SUSD3: variants seen among roughly 807,000 people sequenced by gnomAD.
SUSD3 encodes sushi domain-containing protein 3.
Under a neutral mutation model 20.6 loss-of-function variants are expected in SUSD3, and 18 were observed. The observed-to-expected ratio is 0.87, with a 90% CI of 0.60 to 1.30. The LOEUF is 1.30. Ranked by LOEUF, SUSD3 falls within the 50% of genes most tolerant of loss-of-function variation. SUSD3 has a pLI of 0.00. For synonymous variants in SUSD3, 137 were observed against 141.5 expected (o/e 0.97, Z 0.23); for missense variants, 306 against 346.9 (o/e 0.88, Z 0.94).
intron 1 of SUSD3, among the ~76,000 whole-genome samples, chr9:93,065,188 C>T (rs1825659798): frequency 6.6e-6 from 1 of 152,172 alleles, no homozygotes; most frequent in East Asian, 1.9e-4. Context: ...TTCTTTTGAA[C>T]GTGCAGCAGA....
At chr9:93,072,881 A>C (rs557613169) in intron 1 of SUSD3, among the ~76,000 whole-genome samples, 1 of 152,312 alleles carries the variant, frequency 6.6e-6, no homozygotes, top group Admixed American at 6.5e-5. Flanking sequence ...AATTAAAGTT[A>C]TAAGAGGAGA....
intron 1 of SUSD3, among the ~76,000 whole-genome samples, chr9:93,064,873 A>G (rs1347650827): frequency 6.6e-6 from 1 of 152,194 alleles, no homozygotes; most frequent in African/African-American, 2.4e-5. Flanking sequence ...GCCTACCCTC[A>G]AACCCAGGTC....
At chr9:93,064,345 C>T (rs570084407) in intron 1 of SUSD3, among the ~76,000 whole-genome samples, 2 of 152,342 alleles carry the variant, frequency 1.3e-5, no homozygotes, top group South Asian at 2.1e-4. Flanking sequence ...CGCACCCAGC[C>T]GACTTCACCC....
chr9:93,072,917 A>T lies in SUSD3; in HGVS notation c.89-2867A>T, dbSNP rs183979464. 5.7e-3 allele frequency among the ~76,000 whole-genome samples: 866 copies of T among 152,228 alleles called. 7 individuals are homozygous for T. The highest frequency in any genetic ancestry group is 8.5e-3 in the Non-Finnish European group (579 of 68,010). ...AGCTACATGGTGAGCAGGTTTGGGGAGCTCAGAAGCTTGGCTATGTCTCAT... is the reference window on the plus strand; with the variant it reads ...AGCTACATGGTGAGCAGGTTTGGGGTGCTCAGAAGCTTGGCTATGTCTCAT... On this transcript the variant is annotated intron_variant, in intron 1 of 4. Coordinates refer to ENST00000375472, the MANE Select transcript of SUSD3 (RefSeq NM_145006.4).
In SUSD3 at chr9:93,077,872, T is replaced by A. The variant is rs1826231322; in HGVS notation, c.304T>A (p.Phe102Ile). 6.2e-7 allele frequency: 1 copy of A among 1,614,072 alleles called. No individual in the cohort carries two copies. The highest frequency in any genetic ancestry group is 1.3e-5 in the African/African-American group (1 of 74,928). Residue 102 changes from phenylalanine to isoleucine, a missense_variant, in exon 3 of 5, where the codon TTC (phenylalanine) becomes ATC (isoleucine). Coordinates refer to ENST00000375472, the MANE Select transcript of SUSD3 (RefSeq NM_145006.4). ...GGTGCCACCACACGAGACCTTTGGC[T>A]TCAAGGTGGCCGTGATCGCCTCCAT... ...KLVPPHETFGFKVAVIASIVS... is the reference protein window; with the variant it reads ...KLVPPHETFGIKVAVIASIVS...
chr9:93,080,340 AC>A (rs61114081), intron 4 of SUSD3, among the ~76,000 whole-genome samples: 15,541 of 128,116 alleles, frequency 0.12, 1,511 homozygotes, highest in African/African-American at 0.26. Context: ...AAAAAAAAAA[AC>A]AAAACTAACA....
chr9:93,069,226 T>A (rs1825826002), intron 1 of SUSD3: 1 of 687,192 alleles, frequency 1.5e-6, no homozygotes, highest in Admixed American at 2.0e-5. Context: ...CTGGGATTGC[T>A]GTCAGTCACT....
intron 4 of SUSD3, 68 bp downstream of exon 4, chr9:93,079,670 A>C (rs1587920239): frequency 1.3e-6 from 2 of 1,558,554 alleles, no homozygotes; most frequent in Non-Finnish European, 8.7e-7. Context: ...GCCCCGGGCC[A>C]CCTGCTGCTC....
chr9:93,065,924 A>G (rs960579845), intron 1 of SUSD3, among the ~76,000 whole-genome samples: 2 of 152,220 alleles, frequency 1.3e-5, no homozygotes, highest in African/African-American at 4.8e-5. Flanking sequence ...AGGTGACCCA[A>G]GGCCAGCGAG....
chr9:93,080,748 G>C (rs1350059371), intron 4 of SUSD3, among the ~76,000 whole-genome samples: 1 of 152,228 alleles, frequency 6.6e-6, no homozygotes, highest in South Asian at 2.1e-4. Flanking sequence ...TGGTCTCAGC[G>C]TGCAAGGCTG....
chr9:93,066,722 A>ATTTTAT (rs149360325), intron 1 of SUSD3, among the ~76,000 whole-genome samples: 13 of 151,526 alleles, frequency 8.6e-5, no homozygotes, highest in African/African-American at 3.2e-4. Context: ...ATTTTATTTT[A>ATTTTAT]TTTTTTGAGA....
rs1825382167 is a variant in SUSD3, at chr9:93,058,785, C to T, written c.43C>T (p.Arg15Trp). The change falls in exon 1 of 5, where the codon CGG becomes TGG. Residue 15 changes from arginine to tryptophan, a missense_variant. Physicochemically the swap from Arg to Trp is moderately radical, Grantham distance 101 (BLOSUM62 -3). Coordinates refer to ENST00000375472, the MANE Select transcript of SUSD3 (RefSeq NM_145006.4). Reference sequence around the variant, plus strand: ...CACCCTCCGTGGCAAGGCGAGGCCCCGGGGGCGGGCCGGGGTCACCACGCC... The same window carrying T: ...CACCCTCCGTGGCAAGGCGAGGCCCTGGGGGCGGGCCGGGGTCACCACGCC... ...AATLRGKARP[R>W]GRAGVTTPAP... 1 of 1,240,512 alleles carries T rather than the reference C, an allele frequency of 8.1e-7. No individual in the cohort carries two copies. The highest frequency in any genetic ancestry group is 3.5e-5 in the South Asian group (1 of 28,392). The allele number at this position is 1,240,512 out of a possible 1,614,324, so 76.8% of individuals were successfully genotyped here.
rs113535094 is a variant in SUSD3 at position 93,069,573 on chromosome 9, T to G, written c.89-6211T>G. ...AAATTTATAACTAATTTATTCTTTT[T>G]GATGCTGTTGTATAAAATGTTTTTC... On this transcript the variant is annotated intron_variant, in intron 1 of 4. Transcript: ENST00000375472. 9.8e-3 allele frequency among the ~76,000 whole-genome samples: 1,490 copies of G among 152,310 alleles called. 18 individuals are homozygous for G. The highest frequency in any genetic ancestry group is 0.034 in the African/African-American group (1,401 of 41,564).
rs577304813 is a variant in SUSD3, at chr9:93,058,923, C to G, written c.88+93C>G. Reference sequence around the variant, plus strand: ...GGAGGGGGTCGCGGGGCCGCACAGCCGTGGGTGGGGGCCACAGCAACGATC... The same window carrying G: ...GGAGGGGGTCGCGGGGCCGCACAGCGGTGGGTGGGGGCCACAGCAACGATC... On this transcript the variant is annotated intron_variant, in intron 1 of 4. Coordinates refer to ENST00000375472, the MANE Select transcript of SUSD3 (RefSeq NM_145006.4). 674 of 721,938 alleles carry G rather than the reference C, an allele frequency of 9.3e-4. 7 individuals carry two copies. The East Asian group carries it at 0.017, about 19-fold the overall frequency. The allele number at this position is 721,938 out of a possible 1,614,324, so 44.7% of individuals were successfully genotyped here.
At chr9:93,060,030 G>T (rs1044432970) in intron 1 of SUSD3, among the ~76,000 whole-genome samples, 2 of 152,232 alleles carry the variant, frequency 1.3e-5, no homozygotes, top group East Asian at 1.9e-4. Context: ...ACAACAGCCT[G>T]GGGGCGTGGG....
At position 93,084,535 on chromosome 9, in the gene SUSD3, A is replaced by G. The variant is rs1485780187; in HGVS notation, c.558-2A>G. Reference sequence around the variant, plus strand: ...GCCAACTCATGCCTCCTCTCTCCACAGAGACCATGGTGAGAGCACCAGCAA... The same window carrying G: ...GCCAACTCATGCCTCCTCTCTCCACGGAGACCATGGTGAGAGCACCAGCAA... On this transcript the variant is annotated splice_acceptor_variant, in intron 4 of 4. Transcript: ENST00000375472. LOFTEE classifies it high-confidence loss of function. 1.9e-6 allele frequency: 3 copies of G among 1,582,864 alleles called. No homozygotes were observed. The highest frequency in any genetic ancestry group is 2.6e-6 in the Non-Finnish European group (3 of 1,163,936).
intron 1 of SUSD3, among the ~76,000 whole-genome samples, chr9:93,064,515 A>G (rs1825633118): frequency 1.3e-5 from 2 of 152,248 alleles, no homozygotes; most frequent in Non-Finnish European, 1.5e-5. Flanking sequence ...AGCCCTCACT[A>G]TAGCAGAACC....
chr9:93,079,478 C>G lies in SUSD3; in HGVS notation c.433C>G (p.Gln145Glu), dbSNP rs1335065982. ...TCCCAAACTCTCCTCCAGGTCAGCC[C>G]AGCTGTGGTCCCAGCTGAAAGATGA... Reference protein sequence around the residue: ...SKRRRSNRSAQLWSQLKDEDL... With the variant: ...SKRRRSNRSAELWSQLKDEDL... The change falls in exon 4 of 5, where the codon CAG (glutamine) becomes GAG (glutamate). Residue 145 changes from glutamine to glutamate, a missense_variant. Gln to Glu is a conservative substitution (Grantham distance 29). Coordinates refer to ENST00000375472, the MANE Select transcript of SUSD3 (RefSeq NM_145006.4). 3 of 1,613,854 alleles carry G rather than the reference C, an allele frequency of 1.9e-6. No homozygotes were observed. Among genetic ancestry groups the G allele is most frequent in the Non-Finnish European group, 2.5e-6 (3 of 1,179,928 alleles).
intron 4 of SUSD3, among the ~76,000 whole-genome samples, 157 bp from the exon 5 acceptor site, chr9:93,084,380 G>T (rs183600043): frequency 1.3e-3 from 200 of 152,276 alleles, no homozygotes; most frequent in African/African-American, 4.7e-3. Flanking sequence ...ACCTTAGGGT[G>T]CAGGGCAGCT....
Sources: allele counts gnomAD v4.1 joint callset (sites outside exome capture counted in the v4.1 genomes callset), GRCh38; gene constraint gnomAD v4.1.1; transcripts MANE v1.5; gene names NCBI Gene and HGNC (gene_info 2026-07-23, HGNC 2026-07-21).